PDE6G: variants seen among roughly 807,000 people sequenced by gnomAD.
PDE6G encodes the protein phosphodiesterase 6G.
In PDE6G, 10 loss-of-function variants were observed where a neutral mutation model predicts 10.9. The ratio of observed to expected loss-of-function variants is 0.91; its 90% CI spans 0.56 to 1.55. PDE6G has a LOEUF of 1.55. Ranked by LOEUF, PDE6G falls within the 40% of genes most tolerant of loss-of-function variation. The pLI is 0.00. For synonymous variants in PDE6G, 41 were observed against 42.8 expected, an observed-to-expected ratio of 0.96 and a Z score of 0.16; for missense variants, 102 against 110.1, an observed-to-expected ratio of 0.93 and a Z score of 0.33.
upstream of PDE6G, among the ~76,000 whole-genome samples, chr17:81,659,716 G>A (rs1459863463): frequency 3.3e-5 from 5 of 152,126 alleles, no homozygotes; most frequent in African/African-American, 9.7e-5. Context: ...TTGCAGAACC[G>A]GTTCTGATGA....
At chr17:81,658,283 A>C (rs2144411303), upstream of PDE6G, among the ~76,000 whole-genome samples, 2 of 151,524 alleles carry the variant, frequency 1.3e-5, no homozygotes, top group Non-Finnish European at 2.9e-5. Context: ...ACAGGGTTTC[A>C]CCATGTTAGC....
At chr17:81,654,978 C>G (rs1277814577) in intron 1 of PDE6G, among the ~76,000 whole-genome samples, 5 of 151,486 alleles carry the variant, frequency 3.3e-5, no homozygotes, top group Non-Finnish European at 7.4e-5. Context: ...AGGATGGTCT[C>G]GATCTCCTGA....
Position 81,653,114 on chromosome 17 carries a change from G to A in PDE6G, c.146+46C>T, listed in dbSNP as rs754505060. The A allele has an allele frequency of 1.9e-6, 3 of 1,610,118 alleles. No individual in the cohort carries two copies. The South Asian group carries it at 3.3e-5, about 18-fold the overall frequency. On this transcript the variant is annotated intron_variant, in intron 2 of 3. Coordinates refer to ENST00000331056, the MANE Select transcript of PDE6G (RefSeq NM_002602.4). The surrounding 1 kb of genome is among the most constrained non-coding windows in gnomAD (Gnocchi z 5.2). Reference sequence around the variant, plus strand: ...CCCTCCCCTTCCTGTGCAGCCTCAGGACCGCCTCCTCCCTTTCAGAGGCCC... The same window carrying A: ...CCCTCCCCTTCCTGTGCAGCCTCAGAACCGCCTCCTCCCTTTCAGAGGCCC...
chr17:81,659,364 C>T (rs1311336207), upstream of PDE6G, among the ~76,000 whole-genome samples: 1 of 151,768 alleles, frequency 6.6e-6, no homozygotes, highest in Non-Finnish European at 1.5e-5. Context: ...TTTTGGAGGA[C>T]GAGGTGGCTG....
rs752889943 is a variant in PDE6G, at chr17:81,651,716, C to G, written c.147-31G>C. On this transcript the variant is annotated intron_variant, in intron 2 of 3. Transcript: ENST00000331056. This position sits in a 1 kb window ranked among gnomAD's most constrained non-coding sequence, Gnocchi z 4.8. Reference sequence around the variant, plus strand: ...AGGACAGAGCACTCAGGGACATGGCCGGGCCCAGTCCTGGCTCAGTCAGCC... The same window carrying G: ...AGGACAGAGCACTCAGGGACATGGCGGGGCCCAGTCCTGGCTCAGTCAGCC... 3 of 1,612,000 alleles carry G rather than the reference C, an allele frequency of 1.9e-6. No individual in the cohort carries two copies. The highest frequency in any genetic ancestry group is 1.7e-6 in the Non-Finnish European group (2 of 1,178,746).
At chr17:81,662,971 G>A (rs191098600) in intron 1 of PDE6G, 12 of 152,330 alleles carry the variant, frequency 7.9e-5, no homozygotes, top group Admixed American at 4.6e-4. Context: ...CTTGCTTTGG[G>A]GATCCTGGGT....
In PDE6G at chr17:81,651,287, G is replaced by C; in HGVS notation, c.188-137C>G. ...GGGGACGTGCGGACGCTGGAGTGGGGCCCTCCTCTGGGGACACACTGGCTG... is the reference window on the plus strand; with the variant it reads ...GGGGACGTGCGGACGCTGGAGTGGGCCCCTCCTCTGGGGACACACTGGCTG... On this transcript the variant is annotated intron_variant, in intron 3 of 3. Transcript: ENST00000331056. This position sits in a 1 kb window ranked among gnomAD's most constrained non-coding sequence, Gnocchi z 4.8. The C allele has an allele frequency of 1.4e-6, 1 of 706,632 alleles. No individual in the cohort carries two copies. 43.8% of individuals were successfully genotyped at this position (706,632 alleles called of 1,614,324 possible).
chr17:81,658,201 C>T (rs1028914438), upstream of PDE6G, among the ~76,000 whole-genome samples: 4 of 151,894 alleles, frequency 2.6e-5, no homozygotes, highest in Admixed American at 1.3e-4. Context: ...TCTCCTGCCT[C>T]GGCCTCCTGA....
At chr17:81,656,235 A>C (rs2036445211) in intron 1 of PDE6G, among the ~76,000 whole-genome samples, 1 of 152,174 alleles carries the variant, frequency 6.6e-6, no homozygotes, top group Non-Finnish European at 1.5e-5. Context: ...AGCTGAGCCC[A>C]CGTGGCCTGA....
intron 1 of PDE6G, among the ~76,000 whole-genome samples, chr17:81,654,699 C>T (rs1421444559): frequency 6.7e-6 from 1 of 148,600 alleles, no homozygotes; most frequent in African/African-American, 2.5e-5. Flanking sequence ...GTTTTAATAC[C>T]TGCCAAAGTA....
chr17:81,662,130 T>C (rs1422045117), intron 1 of PDE6G, among the ~76,000 whole-genome samples: 2 of 152,084 alleles, frequency 1.3e-5, no homozygotes, highest in African/African-American at 4.8e-5. Context: ...ATGATAGGTA[T>C]TGATTGATGT....
chr17:81,652,635 G>A (rs1299902093), intron 2 of PDE6G, among the ~76,000 whole-genome samples: 1 of 151,414 alleles, frequency 6.6e-6, no homozygotes, highest in Non-Finnish European at 1.5e-5. Context: ...GAGTGCAATG[G>A]CGCGATCTCA....
At chr17:81,657,708 G>A (rs1334651311), upstream of PDE6G, among the ~76,000 whole-genome samples, 2 of 151,396 alleles carry the variant, frequency 1.3e-5, no homozygotes, top group African/African-American at 2.4e-5. Flanking sequence ...GTGAAACCCC[G>A]ACTCTACTAA....
chr17:81,661,178 C>A (rs752016688), upstream of PDE6G, among the ~76,000 whole-genome samples: 1 of 152,148 alleles, frequency 6.6e-6, no homozygotes, highest in South Asian at 2.1e-4. Context: ...GAGTTTACGA[C>A]CAACTTGGGC....
intron 2 of PDE6G, among the ~76,000 whole-genome samples, chr17:81,652,242 A>G (rs1433596163): frequency 6.6e-6 from 1 of 152,068 alleles, no homozygotes; most frequent in Non-Finnish European, 1.5e-5. Flanking sequence ...TCCTCGGTGC[A>G]TTGTGCCATG....
chr17:81,661,973 G>A (rs1284060224), intron 1 of PDE6G, among the ~76,000 whole-genome samples: 2 of 151,846 alleles, frequency 1.3e-5, no homozygotes, highest in Non-Finnish European at 2.9e-5. Flanking sequence ...AGAGGTTGCA[G>A]TGAGCCAAGA....
upstream of PDE6G, among the ~76,000 whole-genome samples, chr17:81,659,941 C>T (rs188102494): frequency 1.6e-4 from 24 of 151,586 alleles, no homozygotes; most frequent in East Asian, 3.5e-3. Context: ...CAAAATTAGC[C>T]GGGCGTGGTG....
Position 81,653,080 on chromosome 17 carries a change from T to G in PDE6G, c.146+80A>C. 6.6e-7 allele frequency: 1 copy of G among 1,517,322 alleles called. No individual in the cohort carries two copies. The highest frequency in any genetic ancestry group is 1.4e-5 in the African/African-American group (1 of 72,536). 94.0% of individuals were successfully genotyped at this position (1,517,322 alleles called of 1,614,324 possible). On this transcript the variant is annotated intron_variant, in intron 2 of 3. Coordinates refer to ENST00000331056, the MANE Select transcript of PDE6G (RefSeq NM_002602.4). This position sits in a 1 kb window ranked among gnomAD's most constrained non-coding sequence, Gnocchi z 5.2. The stretch of plus-strand genomic sequence containing the variant: ...CTCACCCAGTGAAGTGGCCCCAGGC[T>G]CTGCCCCGCCCTCCCCTTCCTGTGC...
At chr17:81,654,270 G>A (rs978449659) in intron 1 of PDE6G, among the ~76,000 whole-genome samples, 5 of 152,016 alleles carry the variant, frequency 3.3e-5, no homozygotes, top group South Asian at 2.1e-4. Context: ...CTGAACCCCC[G>A]CCCTGCAGCC....
Sources: allele counts gnomAD v4.1 joint callset (sites outside exome capture counted in the v4.1 genomes callset), GRCh38; gene constraint gnomAD v4.1.1; non-coding constraint Gnocchi (gnomAD v3.1); transcripts MANE v1.5; gene names NCBI Gene and HGNC (gene_info 2026-07-23, HGNC 2026-07-21).